CALD1: variants seen among roughly 807,000 people sequenced by gnomAD.
CALD1 encodes the protein caldesmon.
A neutral mutation model predicts 99.9 loss-of-function variants in CALD1; 33 were observed. The observed-to-expected ratio is 0.33, with a 90% confidence interval of 0.25 to 0.44. CALD1 has a LOEUF of 0.44. CALD1 is among the 20% of genes least tolerant of loss of function. The probability of loss-of-function intolerance (pLI) is 1.00; values close to 1 mark genes in which losing one functional copy is unlikely to be tolerated. For synonymous variants in CALD1, 310 were observed against 325.0 expected, an observed-to-expected ratio of 0.95 and a Z score of 0.50; for missense variants, 861 against 962.1, an observed-to-expected ratio of 0.89 and a Z score of 1.39.
the CALD1 span, among the ~76,000 whole-genome samples, chr7:134,721,762 C>T: frequency 2.0e-5 from 3 of 152,120 alleles, no homozygotes; most frequent in African/African-American, 7.2e-5. Context: ...AACATTATTG[C>T]TGTAGGAATA....
At chr7:134,911,285 C>T (rs1348937938) in intron 3 of CALD1, among the ~76,000 whole-genome samples, 1 of 146,250 alleles carries the variant, frequency 6.8e-6, no homozygotes, top group Non-Finnish European at 1.5e-5. Flanking sequence ...CCCATAGCAA[C>T]ATGGCAGCAG....
intron 9 of CALD1, among the ~76,000 whole-genome samples, chr7:134,954,210 A>T (rs772372284): frequency 6.6e-6 from 1 of 152,202 alleles, no homozygotes; most frequent in Non-Finnish European, 1.5e-5. Context: ...TTTCATCATT[A>T]AATTATGTTA....
At chr7:134,789,031 TAAA>T (rs35315682) in intron 1 of CALD1, among the ~76,000 whole-genome samples, 1 of 116,826 alleles carries the variant, frequency 8.6e-6, no homozygotes, top group Non-Finnish European at 1.7e-5. Context: ...AAACAAAAAG[TAAA>T]AAAAAAAAAA....
rs1201889758 is a variant in CALD1, at chr7:134,970,140, T to G, written c.*1795T>G. The G allele has an allele frequency of 6.6e-6, 1 of 152,238 alleles. No homozygotes were observed. The highest frequency in any genetic ancestry group is 6.5e-5 in the Admixed American group (1 of 15,282). The allele number at this position is 152,238 out of a possible 1,614,324, so 9.4% of individuals were successfully genotyped here. A position where few individuals can be genotyped will look rare whatever the true frequency, so the allele number is the denominator to read the frequency against. On this transcript the variant is annotated 3_prime_UTR_variant, in exon 15 of 15. Coordinates refer to ENST00000361675, the MANE Select transcript of CALD1 (RefSeq NM_033138.4). The stretch of plus-strand genomic sequence containing the variant: ...GAAGAATGCAGAAGTCAAACCCTCA[T>G]GACAAAGTAGGCACAAGTCTACAAT...
upstream of CALD1, among the ~76,000 whole-genome samples, chr7:134,778,831 C>T (rs980053183): frequency 7.2e-5 from 11 of 152,158 alleles, no homozygotes; most frequent in African/African-American, 2.7e-4. Flanking sequence ...GTACTATCTC[C>T]ACATCACCAA....
At chr7:134,949,809 A>G (rs1392208011) in intron 8 of CALD1, among the ~76,000 whole-genome samples, 1 of 152,098 alleles carries the variant, frequency 6.6e-6, no homozygotes, top group Non-Finnish European at 1.5e-5. Flanking sequence ...AGTCTAAGCC[A>G]GGGGTGTCCA....
At chr7:134,947,894 G>A (rs1232550690) in intron 8 of CALD1, 125 bp downstream of exon 8, 10 of 1,169,810 alleles carry the variant, frequency 8.5e-6, no homozygotes, top group Non-Finnish European at 2.4e-6. Context: ...CCATGTGCTA[G>A]GTACTGTTTT....
chr7:134,896,167 C>A (rs527881357), intron 3 of CALD1, among the ~76,000 whole-genome samples: 54 of 152,368 alleles, frequency 3.5e-4, no homozygotes, highest in African/African-American at 1.2e-3. Context: ...GGGCCGCCTG[C>A]ATCAGGAATA....
chr7:134,803,632 G>A (rs901251696), intron 1 of CALD1, among the ~76,000 whole-genome samples: 1 of 150,528 alleles, frequency 6.6e-6, no homozygotes, highest in Non-Finnish European at 1.5e-5. Flanking sequence ...AAAAAACCTT[G>A]TCTTTATGAA....
intron 14 of CALD1, among the ~76,000 whole-genome samples, chr7:134,965,777 G>A (rs1194861533): frequency 6.6e-6 from 1 of 150,438 alleles, no homozygotes; most frequent in African/African-American, 2.5e-5. Context: ...CTGCTTTCTG[G>A]AACCATTTTA....
chr7:134,896,612 G>A (rs1802593038), intron 3 of CALD1, among the ~76,000 whole-genome samples: 1 of 152,156 alleles, frequency 6.6e-6, no homozygotes, highest in South Asian at 2.1e-4. Flanking sequence ...ACTCACACTG[G>A]TTCAATACCT....
intron 1 of CALD1, among the ~76,000 whole-genome samples, chr7:134,814,698 T>G (rs1259874097): frequency 2.0e-5 from 3 of 152,090 alleles, no homozygotes; most frequent in Admixed American, 6.6e-5. Flanking sequence ...GGTCCACAAG[T>G]GTTTGCTGTA....
chr7:134,888,478 T>C (rs1801984194), intron 3 of CALD1, among the ~76,000 whole-genome samples: 1 of 152,220 alleles, frequency 6.6e-6, no homozygotes, highest in African/African-American at 2.4e-5. Flanking sequence ...TAGATTGTTA[T>C]TTCTCAATCC....
rs61755270 is a variant in CALD1 at position 134,958,224 on chromosome 7, G to A, written c.1995G>A (p.Ser665=). The A allele has an allele frequency of 2.7e-4, 433 of 1,613,732 alleles. No homozygotes were observed. Among genetic ancestry groups the A allele is most frequent in the Non-Finnish European group, 3.4e-4 (406 of 1,179,956 alleles). The stretch of plus-strand genomic sequence containing the variant: ...ACTTTTTTAGCAGTGGTGTCAAATC[G>A]ACCCATCAAGCAGCAATAGTCTCCA... ...KSVQKSSGVK[S]THQAAIVSKI... Residue 665 remains serine (S), a synonymous_variant, in exon 11 of 15, where the codon TCG becomes TCA. Transcript: ENST00000361675.
chr7:134,896,554 T>C (rs1802589520), intron 3 of CALD1, among the ~76,000 whole-genome samples: 1 of 152,356 alleles, frequency 6.6e-6, no homozygotes, highest in African/African-American at 2.4e-5. Context: ...GGAGGTGGTC[T>C]TGACCTTCTG....
intron 1 of CALD1, among the ~76,000 whole-genome samples, chr7:134,834,979 C>G (rs1799374046): frequency 6.6e-6 from 1 of 152,198 alleles, no homozygotes; most frequent in Non-Finnish European, 1.5e-5. Flanking sequence ...AGATGGATAT[C>G]TGGGTGATGA....
chr7:134,828,294 T>C (rs1163939754), intron 1 of CALD1, among the ~76,000 whole-genome samples: 2 of 152,312 alleles, frequency 1.3e-5, no homozygotes, highest in Middle Eastern at 3.4e-3. Flanking sequence ...TGGCTCAGAG[T>C]ATATTTTTAA....
chr7:134,740,152 G>A (rs893432010), upstream of CALD1, among the ~76,000 whole-genome samples: 3 of 152,066 alleles, frequency 2.0e-5, no homozygotes, highest in Admixed American at 6.5e-5. Flanking sequence ...ATGATTAGTG[G>A]ACACAATTAA....
intron 11 of CALD1, among the ~76,000 whole-genome samples, chr7:134,958,881 A>ATATATATATATATATTTAAC (rs1808001206): frequency 2.7e-4 from 5 of 18,742 alleles, no homozygotes; most frequent in Non-Finnish European, 6.9e-4. Flanking sequence ...AAATATATAT[A>ATATATATATATATATTTAAC]TATATATATA....
Sources: gnomAD v4.1 joint callset for allele counts (sites outside exome capture counted in the v4.1 genomes callset) on GRCh38, gnomAD v4.1.1 for gene constraint, MANE v1.5 for transcripts, NCBI Gene and HGNC (gene_info 2026-07-23, HGNC 2026-07-21) for gene names.